Variants in CLIC4 observed in about 807,000 individuals in gnomAD.
CLIC4 encodes chloride intracellular channel protein 4.
A neutral mutation model predicts 24.6 loss-of-function variants in CLIC4; 13 were observed. The observed-to-expected ratio is 0.53, with a 90% CI of 0.34 to 0.84. The LOEUF (loss-of-function observed/expected upper bound fraction) is 0.84. Among genes scored for constraint, CLIC4 ranks in the 40% least tolerant of loss-of-function variants. The probability of loss-of-function intolerance (pLI) is 0.01; values close to 1 mark genes in which losing one functional copy is unlikely to be tolerated. For missense variants in CLIC4, 227 were observed against 301.7 expected (o/e 0.75, Z 1.83); for synonymous variants, 104 against 111.3 (o/e 0.93, Z 0.41).
Position 24,842,707 on chromosome 1 carries a change from T to C in CLIC4, c.*1770T>C, listed in dbSNP as rs577629336. 6 of 152,306 alleles carry C rather than the reference T, an allele frequency of 3.9e-5. No homozygotes were observed. In the South Asian group the frequency reaches 1.2e-3, roughly 32 times the overall value. The allele number at this position is 152,306 out of a possible 1,614,324, so 9.4% of individuals were successfully genotyped here. On this transcript the variant is annotated 3_prime_UTR_variant, in exon 6 of 6. Coordinates refer to ENST00000374379, the MANE Select transcript of CLIC4 (RefSeq NM_013943.3). ...GTTTGAGTACCCGCTTGGTTTTTTT[T>C]TGGTAATTAAATATTGTATGATTTA...
intron 1 of CLIC4, among the ~76,000 whole-genome samples, chr1:24,780,837 C>T (rs565291224): frequency 2.6e-5 from 4 of 152,172 alleles, no homozygotes; most frequent in Non-Finnish European, 5.9e-5. Context: ...CCTGTAATCC[C>T]AGTGCTTTGG....
chr1:24,818,618 T>G (rs777662038), intron 3 of CLIC4, among the ~76,000 whole-genome samples: 18 of 152,142 alleles, frequency 1.2e-4, no homozygotes, highest in Non-Finnish European at 2.4e-4. Flanking sequence ...TTCATTTATT[T>G]ATTGATTTAT....
Position 24,840,972 on chromosome 1 carries a change from C to T in CLIC4, c.*35C>T, listed in dbSNP as rs1444525918. On this transcript the variant is annotated 3_prime_UTR_variant, in exon 6 of 6. Coordinates refer to ENST00000374379, the MANE Select transcript of CLIC4 (RefSeq NM_013943.3). ...TGTAAAAGAGATGTCTTCATGTCTT[C>T]CCCTAAGAATACGCTTTTCCTAACA... 1 of 1,549,430 alleles carries T rather than the reference C, an allele frequency of 6.5e-7. No individual in the cohort carries two copies.
intron 1 of CLIC4, among the ~76,000 whole-genome samples, chr1:24,791,013 A>C (rs1038800862): frequency 6.6e-6 from 1 of 152,170 alleles, no homozygotes; most frequent in Admixed American, 6.5e-5. Flanking sequence ...CTATTAAAAG[A>C]AAAATAGTAG....
chr1:24,792,612 T>C (rs575876412), intron 1 of CLIC4, among the ~76,000 whole-genome samples: 1 of 152,226 alleles, frequency 6.6e-6, no homozygotes, highest in Non-Finnish European at 1.5e-5. Context: ...ATGACTTTTC[T>C]TATTTGACTT....
At chr1:24,835,392 A>G (rs1016008985) in intron 4 of CLIC4, among the ~76,000 whole-genome samples, 41 of 152,036 alleles carry the variant, frequency 2.7e-4, no homozygotes, top group Non-Finnish European at 5.3e-4. Context: ...GCATAACCCC[A>G]TCTCTACTAA....
rs747056690 is a variant in CLIC4 at position 24,745,564 on chromosome 1, C to T, written c.11C>T (p.Ser4Leu). The change falls in exon 1 of 6, where the codon TCG (serine) becomes TTG (leucine). Residue 4 changes from serine to leucine, a missense_variant. Coordinates refer to ENST00000374379, the MANE Select transcript of CLIC4 (RefSeq NM_013943.3). MALSMPLNGLKEED... is the reference protein window; with the variant it reads MALLMPLNGLKEED... The stretch of plus-strand genomic sequence containing the variant: ...GCAGCCGAGCCGGCCATGGCGTTGT[C>T]GATGCCGCTGAATGGGCTGAAGGAG... 1.3e-6 allele frequency: 2 copies of T among 1,591,234 alleles called. No homozygotes were observed. Among genetic ancestry groups the T allele is most frequent in the Non-Finnish European group, 1.7e-6 (2 of 1,171,610 alleles).
At chr1:24,838,214 G>A (rs1159998442) in intron 4 of CLIC4, among the ~76,000 whole-genome samples, 1 of 152,090 alleles carries the variant, frequency 6.6e-6, no homozygotes, top group Non-Finnish European at 1.5e-5. Flanking sequence ...ACTCTCTGAG[G>A]ATAGGAATGT....
intron 2 of CLIC4, among the ~76,000 whole-genome samples, chr1:24,813,671 G>A (rs562701259): frequency 7.9e-5 from 12 of 151,468 alleles, no homozygotes; most frequent in South Asian, 2.1e-4. Flanking sequence ...CACCCGCCTC[G>A]GCCTCCCAAA....
At chr1:24,801,725 T>C (rs1472841872) in intron 2 of CLIC4, among the ~76,000 whole-genome samples, 1 of 152,244 alleles carries the variant, frequency 6.6e-6, no homozygotes, top group Non-Finnish European at 1.5e-5. Flanking sequence ...CAGATTTCTG[T>C]CATTCCCTTA....
At chr1:24,805,848 C>T (rs185520446) in intron 2 of CLIC4, among the ~76,000 whole-genome samples, 51 of 152,270 alleles carry the variant, frequency 3.3e-4, no homozygotes, top group African/African-American at 9.9e-4. Flanking sequence ...AATATTAGCT[C>T]CTATAGGATT....
At chr1:24,794,298 C>T (rs891131626) in intron 1 of CLIC4, among the ~76,000 whole-genome samples, 2 of 151,806 alleles carry the variant, frequency 1.3e-5, no homozygotes, top group Non-Finnish European at 2.9e-5. Context: ...CTAATTTACA[C>T]TCCCACCAGC....
intron 4 of CLIC4, among the ~76,000 whole-genome samples, chr1:24,837,195 A>T (rs1050656357): frequency 3.3e-5 from 5 of 152,170 alleles, no homozygotes; most frequent in Non-Finnish European, 7.3e-5. Flanking sequence ...AAATCAAGAA[A>T]AGTGAGAGAA....
Position 24,840,725 on chromosome 1 carries a change from C to T in CLIC4, c.598-48C>T, listed in dbSNP as rs1455084072. On this transcript the variant is annotated intron_variant, in intron 5 of 5. Coordinates refer to ENST00000374379, the MANE Select transcript of CLIC4 (RefSeq NM_013943.3). ...CAAAATCAGAGATATGTCTAGTTTA[C>T]AAGACGTGGAAATAAGTCTGTTAAC... The T allele has an allele frequency of 4.7e-6, 7 of 1,479,514 alleles. No homozygotes were observed. The South Asian group carries it at 6.5e-5, about 14-fold the overall frequency. The allele number at this position is 1,479,514 out of a possible 1,614,324, so 91.6% of individuals were successfully genotyped here. A position where few individuals can be genotyped will look rare whatever the true frequency, so the allele number is the denominator to read the frequency against.
intron 1 of CLIC4, among the ~76,000 whole-genome samples, chr1:24,791,581 A>T (rs1258471536): frequency 1.3e-5 from 2 of 152,102 alleles, no homozygotes; most frequent in Non-Finnish European, 2.9e-5. Context: ...CTCTAATAAA[A>T]ATACAAAAAT....
chr1:24,745,981 C>G (rs1454772092), intron 1 of CLIC4, among the ~76,000 whole-genome samples: 1 of 150,674 alleles, frequency 6.6e-6, no homozygotes, highest in East Asian at 1.9e-4. Context: ...TCACCACCCC[C>G]CGCCCGGGCG....
chr1:24,745,570 C>T lies in CLIC4; in HGVS notation c.17C>T (p.Pro6Leu). The change falls in exon 1 of 6, where the codon CCG (proline) becomes CTG (leucine). Residue 6 changes from proline (P) to leucine (L), a missense_variant. Coordinates refer to ENST00000374379, the MANE Select transcript of CLIC4 (RefSeq NM_013943.3). MALSM[P>L]LNGLKEEDKE... is the part of the protein sequence containing the mutation. ...GAGCCGGCCATGGCGTTGTCGATGC[C>T]GCTGAATGGGCTGAAGGAGGAGGAC... The T allele has an allele frequency of 1.3e-6, 2 of 1,592,212 alleles. No individual in the cohort carries two copies. The highest frequency in any genetic ancestry group is 1.7e-6 in the Non-Finnish European group (2 of 1,172,002).
At chr1:24,791,276 G>A (rs1639330768) in intron 1 of CLIC4, among the ~76,000 whole-genome samples, 1 of 152,162 alleles carries the variant, frequency 6.6e-6, no homozygotes, top group Non-Finnish European at 1.5e-5. Flanking sequence ...GGCTCCCAGT[G>A]TAGGATGCTT....
At chr1:24,837,607 A>G (rs542811245) in intron 4 of CLIC4, among the ~76,000 whole-genome samples, 16 of 152,328 alleles carry the variant, frequency 1.1e-4, no homozygotes, top group East Asian at 5.8e-4. Flanking sequence ...TTTCAAGCCA[A>G]TCTTTCTTTA....
Sources: allele counts gnomAD v4.1 joint callset (sites outside exome capture counted in the v4.1 genomes callset), GRCh38; gene constraint gnomAD v4.1.1; transcripts MANE v1.5; gene names NCBI Gene and HGNC (gene_info 2026-07-23, HGNC 2026-07-21).